The following ERBB4 variants were observed in gnomAD, a reference collection of about 807,000 sequenced individuals.
ERBB4 encodes the protein erb-b2 receptor tyrosine kinase 4.
A neutral mutation model predicts 158.0 loss-of-function variants in ERBB4; 42 were observed. The ratio of observed to expected loss-of-function variants is 0.27; its 90% CI spans 0.21 to 0.34. The LOEUF is 0.34. ERBB4 is among the 10% of genes least tolerant of loss of function. The probability of loss-of-function intolerance (pLI) is 1.00; values close to 1 mark genes in which losing one functional copy is unlikely to be tolerated. For missense variants in ERBB4, 1,333 were observed against 1,624.1 expected, an observed-to-expected ratio of 0.82 and a Z score of 3.08; for synonymous variants, 583 against 558.7, an observed-to-expected ratio of 1.04 and a Z score of -0.61.
intron 2 of ERBB4, among the ~76,000 whole-genome samples, chr2:212,085,078 C>T (rs965517256): frequency 2.0e-5 from 3 of 151,800 alleles, no homozygotes; most frequent in African/African-American, 7.2e-5. Flanking sequence ...TTTTCCTGTC[C>T]CCTCATCTTT....
intron 3 of ERBB4, among the ~76,000 whole-genome samples, chr2:211,869,954 C>T (rs529073624): frequency 6.6e-6 from 1 of 152,172 alleles, no homozygotes; most frequent in South Asian, 2.1e-4. Context: ...ACCTTGAGAG[C>T]TGCTAAAAGT....
chr2:211,708,130 T>C (rs1243785812), intron 9 of ERBB4, among the ~76,000 whole-genome samples: 1 of 151,902 alleles, frequency 6.6e-6, no homozygotes, highest in Non-Finnish European at 1.5e-5. Flanking sequence ...ACACATTACA[T>C]TCATGACCAC....
At chr2:211,729,673 T>C (rs1198929403) in intron 5 of ERBB4, among the ~76,000 whole-genome samples, 1 of 151,870 alleles carries the variant, frequency 6.6e-6, no homozygotes, top group Admixed American at 6.6e-5. Flanking sequence ...CATCAAATTA[T>C]ACTCATATTT....
chr2:211,853,521 G>C (rs2077771585), intron 3 of ERBB4, among the ~76,000 whole-genome samples: 4 of 151,990 alleles, frequency 2.6e-5, no homozygotes, highest in Admixed American at 2.6e-4. Flanking sequence ...ATTAGTTCTT[G>C]ATGACCCAGT....
intron 13 of ERBB4, 81 bp downstream of exon 13, chr2:211,678,966 CAAAAA>C (rs71054127): frequency 2.1e-3 from 1,049 of 507,106 alleles, no homozygotes; most frequent in Middle Eastern, 2.8e-3. Flanking sequence ...GACTCCGTCT[CAAAAA>C]AAAAAAAAAA....
intron 12 of ERBB4, among the ~76,000 whole-genome samples, chr2:211,696,424 T>A (rs796213087): frequency 1.3e-5 from 2 of 152,052 alleles, no homozygotes; most frequent in Admixed American, 1.3e-4. Flanking sequence ...TATAGCACTT[T>A]CTTTGAGCCA....
intron 1 of ERBB4, among the ~76,000 whole-genome samples, chr2:212,126,162 GTTTTGTTTTTTAA>G (rs2079918400): frequency 6.6e-6 from 1 of 152,042 alleles, no homozygotes; most frequent in South Asian, 2.1e-4. Flanking sequence ...ACAAGTTTTT[GTTTTGTTTTTTAA>G]TTTTGTGGCT....
chr2:212,271,846 A>G (rs1459049039), intron 1 of ERBB4, among the ~76,000 whole-genome samples: 2 of 151,814 alleles, frequency 1.3e-5, no homozygotes, highest in African/African-American at 4.8e-5. Context: ...CAGAGGGAGC[A>G]GAAGCCAAGT....
intron 25 of ERBB4, among the ~76,000 whole-genome samples, chr2:211,416,867 T>TAACTC (rs975236245): frequency 5.9e-5 from 9 of 151,754 alleles, no homozygotes; most frequent in Non-Finnish European, 1.0e-4. Flanking sequence ...TGCGGGCCTT[T>TAACTC]AAGTCTCTGC....
At chr2:211,710,993 A>C (rs2106076543) in intron 9 of ERBB4, among the ~76,000 whole-genome samples, 1 of 152,052 alleles carries the variant, frequency 6.6e-6, no homozygotes, top group African/African-American at 2.4e-5. Flanking sequence ...ATATGGGCCG[A>C]CAATGACCAA....
intron 4 of ERBB4, chr2:211,777,371 TC>T (rs1449103689): frequency 1.3e-5 from 2 of 152,146 alleles, no homozygotes; most frequent in African/African-American, 4.8e-5. Flanking sequence ...TACTCCTCAA[TC>T]ACTCACATAG....
At chr2:212,013,852 C>T (rs948770386) in intron 2 of ERBB4, among the ~76,000 whole-genome samples, 6 of 152,246 alleles carry the variant, frequency 3.9e-5, no homozygotes, top group African/African-American at 1.2e-4. Context: ...GAACCATGGC[C>T]CTGCCAACAC....
At chr2:212,423,191 T>C (rs868206626) in intron 1 of ERBB4, among the ~76,000 whole-genome samples, 4 of 152,040 alleles carry the variant, frequency 2.6e-5, no homozygotes, top group Non-Finnish European at 5.9e-5. Flanking sequence ...AAAATGCAAT[T>C]ATAAGCAAAT....
chr2:211,842,555 C>A (rs974687921), intron 3 of ERBB4, among the ~76,000 whole-genome samples: 2 of 151,766 alleles, frequency 1.3e-5, no homozygotes, highest in African/African-American at 4.8e-5. Context: ...TAGAATATCT[C>A]CTATCTTTTT....
chr2:211,852,030 T>C (rs775747299), intron 3 of ERBB4, among the ~76,000 whole-genome samples: 11 of 151,982 alleles, frequency 7.2e-5, no homozygotes, highest in Non-Finnish European at 1.6e-4. Flanking sequence ...CATGAATTTA[T>C]ATCACTATTG....
intron 1 of ERBB4, among the ~76,000 whole-genome samples, chr2:212,487,801 C>T (rs919624107): frequency 2.0e-5 from 3 of 152,118 alleles, no homozygotes; most frequent in Non-Finnish European, 4.4e-5. Flanking sequence ...ATTCTCTACC[C>T]TCACAAACAC....
chr2:212,177,814 T>C (rs745500232), intron 1 of ERBB4, among the ~76,000 whole-genome samples: 8 of 151,870 alleles, frequency 5.3e-5, no homozygotes, highest in Non-Finnish European at 8.8e-5. Flanking sequence ...TTGAGATAAG[T>C]AGTCTATGAG....
chr2:211,416,504 G>T (rs961007044), intron 25 of ERBB4, among the ~76,000 whole-genome samples: 2 of 152,096 alleles, frequency 1.3e-5, no homozygotes, highest in African/African-American at 4.8e-5. Context: ...GAAACAAATT[G>T]GGAAGCAAAC....
intron 1 of ERBB4, among the ~76,000 whole-genome samples, chr2:212,304,105 G>A (rs2086722071): frequency 6.6e-6 from 1 of 151,488 alleles, no homozygotes; most frequent in African/African-American, 2.4e-5. Flanking sequence ...TTTTGTTGTG[G>A]AGAATGTGAC....
Sources: gnomAD v4.1 joint callset for allele counts (sites outside exome capture counted in the v4.1 genomes callset) on GRCh38, gnomAD v4.1.1 for gene constraint, MANE v1.5 for transcripts, NCBI Gene and HGNC (gene_info 2026-07-23, HGNC 2026-07-21) for gene names.